FBXO9: variants seen among roughly 807,000 people sequenced by gnomAD.
The protein encoded by FBXO9 is F-box only protein 9.
In FBXO9, 43 loss-of-function variants were observed where a neutral mutation model predicts 63.7. The observed-to-expected ratio is 0.67, with a 90% CI of 0.53 to 0.87. The LOEUF (loss-of-function observed/expected upper bound fraction) is 0.87, where lower values mean the gene tolerates loss of function less well. FBXO9 is among the 40% of genes least tolerant of loss of function. The pLI is 0.00. For missense variants in FBXO9, 442 were observed against 533.2 expected, an observed-to-expected ratio of 0.83 and a Z score of 1.68; for synonymous variants, 156 against 171.7, an observed-to-expected ratio of 0.91 and a Z score of 0.72.
chr6:53,065,959 C>T (rs1051600965), intron 1 of FBXO9, 167 bp downstream of exon 1: 1 of 1,145,306 alleles, frequency 8.7e-7, no homozygotes, highest in East Asian at 3.2e-5. Flanking sequence ...CGTCGGGGGG[C>T]GGGGGGTGCC....
At chr6:53,075,228 C>T (rs1424410416) in intron 3 of FBXO9, among the ~76,000 whole-genome samples, 6 of 151,594 alleles carry the variant, frequency 4.0e-5, no homozygotes, top group Non-Finnish European at 5.9e-5. Context: ...CTCTGCCTCC[C>T]GGGTTCAAGC....
chr6:53,082,621 A>G lies in FBXO9; in HGVS notation c.653+3A>G. On this transcript the variant is annotated splice_donor_region_variant and intron_variant, in intron 7 of 12. Coordinates refer to ENST00000323557, the MANE Select transcript of FBXO9 (RefSeq NM_033480.3). ...AGAGGATTCTACATCTGTGCCAGGTACTAAGTTTTTGTTTTTGTTTTTTAA... is the reference window on the plus strand; with the variant it reads ...AGAGGATTCTACATCTGTGCCAGGTGCTAAGTTTTTGTTTTTGTTTTTTAA... The G allele has an allele frequency of 1.2e-6, 2 of 1,601,088 alleles. No individual in the cohort carries two copies. The highest frequency in any genetic ancestry group is 1.7e-6 in the Non-Finnish European group (2 of 1,173,196).
In FBXO9 at chr6:53,094,487, A is replaced by T. The variant is rs562212560; in HGVS notation, c.1053+509A>T. Among the ~76,000 whole-genome samples, 10 of 152,336 alleles carry T rather than the reference A, an allele frequency of 6.6e-5. No individual in the cohort carries two copies. In the South Asian group the frequency reaches 1.2e-3, roughly 19 times the overall value. On this transcript the variant is annotated intron_variant, in intron 11 of 12. Transcript: ENST00000323557. ...ATTCTAGAGTGCTTTAAATTGTCCT[A>T]ACAGATTGGTAGCCTAATTTTTTCA...
At chr6:53,073,689 A>G (rs752638411) in intron 3 of FBXO9, 50 bp downstream of exon 3, 2 of 1,445,586 alleles carry the variant, frequency 1.4e-6, no homozygotes, top group South Asian at 2.7e-5. Flanking sequence ...TTTTTGGCAC[A>G]TGGAAATTTT....
At chr6:53,091,455 G>A (rs113766673) in intron 7 of FBXO9, 11,799 of 151,840 alleles carry the variant, frequency 0.078, 1,172 homozygotes, top group African/African-American at 0.23. Context: ...CGCAACCTCC[G>A]TCTCCCAGGT....
At chr6:53,073,724 T>A (rs1295773674) in intron 3 of FBXO9, 85 bp downstream of exon 3, 6 of 1,163,552 alleles carry the variant, frequency 5.2e-6, no homozygotes, top group Non-Finnish European at 7.1e-6. Flanking sequence ...GTAGGCATTA[T>A]AACCAGACTT....
At chr6:53,070,956 A>C in intron 1 of FBXO9, 101 bp from the exon 2 acceptor site, 1 of 1,515,718 alleles carries the variant, frequency 6.6e-7, no homozygotes, top group Non-Finnish European at 8.9e-7. Flanking sequence ...AAGTGTTGAC[A>C]GTATGGTACT....
At chr6:53,078,959 C>T (rs17616311) in intron 5 of FBXO9, 61 bp downstream of exon 5, 39,693 of 1,189,976 alleles carry the variant, frequency 0.033, 751 homozygotes, top group East Asian at 0.057. Context: ...GCATCTTTGC[C>T]CTGTTGACTC....
rs570338169 is a variant in FBXO9, at chr6:53,078,884, C to T, written c.393C>T (p.Gly131=). ...ATACCCGGTCTCCAGATGGTGATGGCGTTGGAAACAGCTAGTGCGTATATA... is the reference window on the plus strand; with the variant it reads ...ATACCCGGTCTCCAGATGGTGATGGTGTTGGAAACAGCTAGTGCGTATATA... The part of the protein sequence containing the change: ...ITYTRSPDGD[G]VGNSYIEDND... The change falls in exon 5 of 13, where the codon GGC becomes GGT. Residue 131 remains glycine, a synonymous_variant. Transcript: ENST00000323557. The T allele has an allele frequency of 9.3e-6, 15 of 1,612,818 alleles. No individual in the cohort carries two copies. The highest frequency in any genetic ancestry group is 6.7e-5 in the Admixed American group (4 of 60,014).
chr6:53,088,783 A>G (rs1288375722), intron 7 of FBXO9, among the ~76,000 whole-genome samples: 2 of 152,006 alleles, frequency 1.3e-5, no homozygotes, highest in Non-Finnish European at 2.9e-5. Flanking sequence ...TATTTCTAGT[A>G]GAGACGGGGT....
intron 12 of FBXO9, among the ~76,000 whole-genome samples, chr6:53,097,172 T>C (rs1326877729): frequency 6.6e-6 from 1 of 152,180 alleles, no homozygotes; most frequent in Non-Finnish European, 1.5e-5. Context: ...ATAATTATGC[T>C]GTTGATCATG....
At chr6:53,081,150 A>G in intron 6 of FBXO9, 52 bp downstream of exon 6, 1 of 1,552,578 alleles carries the variant, frequency 6.4e-7, no homozygotes, top group Non-Finnish European at 8.7e-7. Context: ...AACCTTAAAG[A>G]TTTCCAAATT....
rs527411699 is a variant in FBXO9, at chr6:53,069,994, T to G, written c.4-1063T>G. On this transcript the variant is annotated intron_variant, in intron 1 of 12. Transcript: ENST00000323557. ...TTATTTCATTTTTTTCTAAGAAGAATAATATTTTTCTTTTCTTTTTTCCTT... is the reference window on the plus strand; with the variant it reads ...TTATTTCATTTTTTTCTAAGAAGAAGAATATTTTTCTTTTCTTTTTTCCTT... Among the ~76,000 whole-genome samples, 466 of 148,956 alleles carry G rather than the reference T, an allele frequency of 3.1e-3. 4 individuals are homozygous for G. Among genetic ancestry groups the G allele is most frequent in the African/African-American group, 0.011 (449 of 39,860 alleles).
chr6:53,096,929 C>T (rs1763228941), intron 12 of FBXO9, among the ~76,000 whole-genome samples: 1 of 151,908 alleles, frequency 6.6e-6, no homozygotes, highest in Non-Finnish European at 1.5e-5. Context: ...GAAACCAAAC[C>T]CTGAAGTAGA....
At chr6:53,092,386 A>G (rs774296335) in intron 7 of FBXO9, 43 bp from the exon 8 acceptor site, 68 of 1,389,708 alleles carry the variant, frequency 4.9e-5, no homozygotes, top group Admixed American at 1.4e-4. Flanking sequence ...ATGTCTATGT[A>G]TAGGGACTTA....
At chr6:53,094,061 A>C in intron 11 of FBXO9, 83 bp downstream of exon 11, 1 of 731,456 alleles carries the variant, frequency 1.4e-6, no homozygotes, top group Non-Finnish European at 2.1e-6. Flanking sequence ...CAACAACAAA[A>C]AAAACCCTTT....
At chr6:53,092,934 A>G (rs1763086842) in intron 9 of FBXO9, 110 bp downstream of exon 9, 2 of 600,296 alleles carry the variant, frequency 3.3e-6, no homozygotes, top group South Asian at 2.8e-5. Flanking sequence ...GGCCCTCAGT[A>G]TTTTTATCTA....
At position 53,079,385 on chromosome 6, in the gene FBXO9, GTTA is replaced by G. The variant is rs554747013; in HGVS notation, c.407+493_407+495del. Among the ~76,000 whole-genome samples the G allele has an allele frequency of 3.3e-3, 507 of 152,114 alleles. 1 individual carries two copies. The highest frequency in any genetic ancestry group is 0.012 in the African/African-American group (489 of 41,522). ...AGGAAAATGCTGAACTATAAAAGAT[GTTA>G]TTATTCTCTTAATGTTTTTAGTAAA... On this transcript the variant is annotated intron_variant, in intron 5 of 12. Transcript: ENST00000323557.
intron 6 of FBXO9, among the ~76,000 whole-genome samples, chr6:53,081,556 A>G (rs560003205): frequency 3.9e-5 from 6 of 152,314 alleles, no homozygotes; most frequent in Non-Finnish European, 8.8e-5. Context: ...CAGGCCTCTG[A>G]GGCACTGCGC....
Sources: gnomAD v4.1 joint callset for allele counts (sites outside exome capture counted in the v4.1 genomes callset) on GRCh38, gnomAD v4.1.1 for gene constraint, MANE v1.5 for transcripts, NCBI Gene and HGNC (gene_info 2026-07-23, HGNC 2026-07-21) for gene names.